Variants in TTN observed in about 807,000 individuals in gnomAD.
TTN encodes connectin.
TTN carries 1,525 observed loss-of-function variants against 3,223.0 expected under a neutral mutation model. That is an observed-to-expected ratio of 0.47 (90% CI 0.45 to 0.49). TTN has a LOEUF of 0.49. Among genes scored for constraint, TTN ranks in the 20% least tolerant of loss-of-function variants. The pLI, the probability that TTN is intolerant of heterozygous loss-of-function variation, is 0.00. For missense variants in TTN, 40,786 were observed against 43,424.0 expected (o/e 0.94, Z 5.40); for synonymous variants, 14,094 against 15,161.0 (o/e 0.93, Z 5.17).
Position 178,793,448 on chromosome 2 carries a change from C to T in TTN, c.1492G>A (p.Val498Ile), listed in dbSNP as rs72647851. The T allele has an allele frequency of 0.022, 36,091 of 1,614,106 alleles. 481 individuals carry two copies. Among genetic ancestry groups the T allele is most frequent in the Non-Finnish European group, 0.026 (31,064 of 1,179,994 alleles). ...ATCTGCTCTTGCTTTGTGGTAATTA[C>T]TTCTTTGGTTCTTGATTTTAATTCT... ...EQELKSRTKEVITTKQEQMHV... is the reference protein window; with the variant it reads ...EQELKSRTKEIITTKQEQMHV... The change falls in exon 9 of 363, where the codon GTA becomes ATA. Residue 498 changes from valine (V) to isoleucine (I), a missense_variant. Transcript: ENST00000589042.
chr2:178,612,260 T>G lies in TTN; in HGVS notation c.50248+17A>C, dbSNP rs755904987. The G allele has an allele frequency of 1.2e-6, 2 of 1,608,356 alleles. No homozygotes were observed. On this transcript the variant is annotated intron_variant, in intron 266 of 362. Coordinates refer to ENST00000589042, the MANE Select transcript of TTN (RefSeq NM_001267550.2). ...CGAGAGCACTTATTGTCACAAAGAT[T>G]AAGTGCAAGAGCATACTAAAGGTGT...
rs751194562 is a variant in TTN, at chr2:178,593,703, C to G, written c.58597G>C (p.Ala19533Pro). The change falls in exon 298 of 363, where the codon GCA (alanine) becomes CCA (proline). Residue 19533 changes from alanine (A) to proline (P), a missense_variant. Transcript: ENST00000589042. ...GKDVWMPVTS[A>P]SAKTTCKVSK... Reference sequence around the variant, plus strand: ...ACTTTGCATGTTGTTTTAGCACTTGCAGATGTCACTGGCATCCAGACGTCT... The same window carrying G: ...ACTTTGCATGTTGTTTTAGCACTTGGAGATGTCACTGGCATCCAGACGTCT... 2 of 1,613,316 alleles carry G rather than the reference C, an allele frequency of 1.2e-6. No individual in the cohort carries two copies. The highest frequency in any genetic ancestry group is 1.7e-6 in the Non-Finnish European group (2 of 1,179,610).
At chr2:178,559,085 A>G (rs1575599521) in intron 326 of TTN, 2 of 384,630 alleles carry the variant, frequency 5.2e-6, no homozygotes, top group East Asian at 9.5e-5. Context: ...TAATACTTAA[A>G]TTCAACATAT....
rs115825044 is a variant in TTN at position 178,632,392 on chromosome 2, G to A, written c.43502C>T (p.Thr14501Ile). Residue 14501 changes from threonine to isoleucine, a missense_variant, in exon 236 of 363, where the codon ACC becomes ATC. Physicochemically the swap from Thr to Ile is moderately conservative, Grantham distance 89. Transcript: ENST00000589042. ...IIEGIRLKFLTPLKDVTAKEK... is the reference protein window; with the variant it reads ...IIEGIRLKFLIPLKDVTAKEK... ...TTTGGCAGTTACATCTTTGAGAGGG[G>A]TGAGGAATTTGAGCCGGATTCCTAT... 1.9e-6 allele frequency: 3 copies of A among 1,593,002 alleles called. No individual in the cohort carries two copies. Among genetic ancestry groups the A allele is most frequent in the Admixed American group, 3.5e-5 (2 of 56,440 alleles).
chr2:178,542,058 A>C, intron 349 of TTN: 1 of 464,034 alleles, frequency 2.2e-6, no homozygotes, highest in East Asian at 3.2e-5. Context: ...ATATTAAAAA[A>C]AAAATCAAGC....
rs765151966 is a variant in TTN, at chr2:178,770,235, A to T, written c.8466T>A (p.Thr2822=). The part of the protein sequence containing the change: ...VAFEVSVSHD[T]VPVKWFHKSV... ...TCTTATGGAACCATTTTACTGGAAC[A>T]GTGTCATGGGAAACACTAACTTCAA... The change falls in exon 36 of 363, where the codon ACT becomes ACA. Residue 2822 remains threonine, a synonymous_variant. Transcript: ENST00000589042. The T allele has an allele frequency of 3.1e-6, 5 of 1,614,166 alleles. No homozygotes were observed. Among genetic ancestry groups the T allele is most frequent in the Non-Finnish European group, 4.2e-6 (5 of 1,180,018 alleles).
Position 178,560,781 on chromosome 2 carries a change from G to A in TTN, c.85351C>T (p.Pro28451Ser), listed in dbSNP as rs727503554. 3.1e-6 allele frequency: 5 copies of A among 1,613,606 alleles called. No homozygotes were observed. The African/African-American group carries it at 6.7e-5, about 22-fold the overall frequency. ...TCAAGTGGTCCTGCTGGTGGACCAG[G>A]CTTATCAAGTACTTTGCAATTAACG... ...VAVNCKVLDK[P>S]GPPAGPLEIN... The change falls in exon 326 of 363, where the codon CCT (proline) becomes TCT (serine). Residue 28451 changes from proline to serine, a missense_variant. Physicochemically the swap from Pro to Ser is moderately conservative, Grantham distance 74. Coordinates refer to ENST00000589042, the MANE Select transcript of TTN (RefSeq NM_001267550.2).
At chr2:178,665,586 A>G (rs1426006545) in intron 164 of TTN, 122 bp downstream of exon 164, 6 of 1,317,852 alleles carry the variant, frequency 4.6e-6, no homozygotes, top group African/African-American at 4.4e-5. Flanking sequence ...GAGGAGGTAT[A>G]CAATCTTGAG....
intron 18 of TTN, 37 bp downstream of exon 18, chr2:178,782,769 G>A: frequency 6.2e-7 from 1 of 1,611,928 alleles, no homozygotes; most frequent in African/African-American, 1.3e-5. Context: ...GAAAGTGATG[G>A]CATGTGCATT....
Position 178,721,030 on chromosome 2 carries a change from C to A in TTN, c.22989G>T (p.Val7663=), listed in dbSNP as rs1026619304. ...TAGCTTCATTGATCGTAAGCAATGCCACAGAATTAATGAATGACATGTTGT... is the reference window on the plus strand; with the variant it reads ...TAGCTTCATTGATCGTAAGCAATGCAACAGAATTAATGAATGACATGTTGT... ...WKYNMSFINS[V]ALLTINEASA... is the part of the protein sequence containing the mutation. Residue 7663 remains valine (V), a synonymous_variant, in exon 79 of 363, where the codon GTG becomes GTT. Transcript: ENST00000589042. 1 of 1,613,310 alleles carries A rather than the reference C, an allele frequency of 6.2e-7. No individual in the cohort carries two copies. Among genetic ancestry groups the A allele is most frequent in the Non-Finnish European group, 8.5e-7 (1 of 1,179,380 alleles).
rs368683686 is a variant in TTN, at chr2:178,586,775, T to C, written c.64126A>G (p.Thr21376Ala). 8 of 1,612,808 alleles carry C rather than the reference T, an allele frequency of 5.0e-6. No homozygotes were observed. The highest frequency in any genetic ancestry group is 1.3e-5 in the African/African-American group (1 of 74,828). The change falls in exon 308 of 363, where the codon ACT (threonine) becomes GCT (alanine). Residue 21376 changes from threonine to alanine, a missense_variant. Physicochemically the swap from Thr to Ala is moderately conservative, Grantham distance 58 (BLOSUM62 0). Coordinates refer to ENST00000589042, the MANE Select transcript of TTN (RefSeq NM_001267550.2). ...GTGGCACTGTTCTTGGTCATTTCAGTCACTTCTAATTTCCTTGGGGGATCC... is the reference window on the plus strand; with the variant it reads ...GTGGCACTGTTCTTGGTCATTTCAGCCACTTCTAATTTCCTTGGGGGATCC... Reference protein sequence around the residue: ...EPDPPRKLEVTEMTKNSATLA... With the variant: ...EPDPPRKLEVAEMTKNSATLA...
rs1175551497 is a variant in TTN, at chr2:178,545,946, T to A, written c.95290A>T (p.Thr31764Ser). The A allele has an allele frequency of 1.2e-6, 2 of 1,613,830 alleles. No individual in the cohort carries two copies. The highest frequency in any genetic ancestry group is 4.5e-5 in the East Asian group (2 of 44,850). The change falls in exon 343 of 363, where the codon ACC becomes TCC. Residue 31764 changes from threonine to serine, a missense_variant. Physicochemically the swap from Thr to Ser is moderately conservative, Grantham distance 58. Transcript: ENST00000589042. The stretch of plus-strand genomic sequence containing the variant: ...AGCCTGGTAACGACATAGGATAGGG[T>A]TGGGCATTCGCCTTCAACAATCACC... ...NWVIVEGECP[T>S]LSYVVTRLIK...
Position 178,738,374 on chromosome 2 carries a change from TA to T in TTN, c.14093-15del. On this transcript the variant is annotated splice_polypyrimidine_tract_variant and intron_variant, in intron 48 of 362. Coordinates refer to ENST00000589042, the MANE Select transcript of TTN (RefSeq NM_001267550.2). ...TCACTGGGGCAGCTGCAAAGGGAAG[TA>T]GAGTCCATTAACATGCCTCCTTATC... 6.2e-7 allele frequency: 1 copy of T among 1,602,852 alleles called. No homozygotes were observed. The highest frequency in any genetic ancestry group is 8.5e-7 in the Non-Finnish European group (1 of 1,173,094).
rs745925600 is a variant in TTN, at chr2:178,794,939, C to A, written c.1228G>T (p.Ala410Ser). 1 of 1,602,672 alleles carries A rather than the reference C, an allele frequency of 6.2e-7. No individual in the cohort carries two copies. Residue 410 changes from alanine (A) to serine (S), a missense_variant, in exon 7 of 363, where the codon GCC becomes TCC. Coordinates refer to ENST00000589042, the MANE Select transcript of TTN (RefSeq NM_001267550.2). ...ASASYAAEAV[A>S]TGAKEVKQDA... ...GACAGTACCTCTTTAGCACCAGTGG[C>A]AACAGCCTCTGCTGCGTAGCTAGCA...
Position 178,611,973 on chromosome 2 carries a change from A to C in TTN, c.50355-19T>G. ...GACATATCTATTGAAACAACAAAGC[A>C]TTTCATTAGCATTAATGAAAAAACA... On this transcript the variant is annotated intron_variant, in intron 267 of 362. Transcript: ENST00000589042. The C allele has an allele frequency of 6.2e-7, 1 of 1,607,208 alleles. No homozygotes were observed. The highest frequency in any genetic ancestry group is 1.7e-5 in the Admixed American group (1 of 58,526).
Position 178,611,176 on chromosome 2 carries a change from T to A in TTN, c.50953A>T (p.Thr16985Ser), listed in dbSNP as rs1301584675. 6.2e-7 allele frequency: 1 copy of A among 1,612,760 alleles called. No individual in the cohort carries two copies. ...PVPFRAVPVP[T>S]VSWHKDGKEV... is the part of the protein sequence containing the mutation. ...TTGCCATCTTTATGCCAACTAACAGTTGGAACTGGGACAGCTCTGAAGGGA... is the reference window on the plus strand; with the variant it reads ...TTGCCATCTTTATGCCAACTAACAGATGGAACTGGGACAGCTCTGAAGGGA... Residue 16985 changes from threonine (T) to serine (S), a missense_variant, in exon 270 of 363, where the codon ACT (threonine) becomes TCT (serine). Physicochemically the swap from Thr to Ser is moderately conservative, Grantham distance 58. Coordinates refer to ENST00000589042, the MANE Select transcript of TTN (RefSeq NM_001267550.2).
At chr2:178,528,015 A>G (rs1465305547) in intron 361 of TTN, 3 of 548,358 alleles carry the variant, frequency 5.5e-6, no homozygotes, top group Non-Finnish European at 9.4e-6. Flanking sequence ...AGTCATATAG[A>G]AAGTAATTGA....
intron 152 of TTN, 59 bp downstream of exon 152, chr2:178,673,574 C>G: frequency 7.2e-7 from 1 of 1,398,284 alleles, no homozygotes. Context: ...GAAAATGTTG[C>G]TTTTAAGAAA....
At position 178,546,394 on chromosome 2, in the gene TTN, T is replaced by G; in HGVS notation, c.94937A>C (p.Lys31646Thr). 1 of 1,613,728 alleles carries G rather than the reference T, an allele frequency of 6.2e-7. No individual in the cohort carries two copies. The highest frequency in any genetic ancestry group is 8.5e-7 in the Non-Finnish European group (1 of 1,179,752). ...CTTGTCTCCTTTGGTCCAGATAATT[T>G]TGGGTTCAGGTTTGCCACCAACTGC... ...DAAVGGKPEPKIIWTKGDKEL... is the reference protein window; with the variant it reads ...DAAVGGKPEPTIIWTKGDKEL... Residue 31646 changes from lysine to threonine, a missense_variant, in exon 342 of 363, where the codon AAA becomes ACA. Lys to Thr is a moderately conservative substitution (Grantham distance 78). Coordinates refer to ENST00000589042, the MANE Select transcript of TTN (RefSeq NM_001267550.2).
Sources: gnomAD v4.1 joint callset for allele counts on GRCh38, gnomAD v4.1.1 for gene constraint, MANE v1.5 for transcripts, NCBI Gene and HGNC (gene_info 2026-07-23, HGNC 2026-07-21) for gene names.